The following PARP15 variants were observed in gnomAD, a reference collection of about 807,000 sequenced individuals.
The protein encoded by PARP15 is protein mono-ADP-ribosyltransferase PARP15.
Under a neutral mutation model 62.1 loss-of-function variants are expected in PARP15, and 50 were observed. The observed-to-expected ratio is 0.81, with a 90% CI of 0.64 to 1.02. PARP15 has a LOEUF of 1.02. PARP15 is among the 50% of genes least tolerant of loss of function. The pLI is 0.00. For synonymous variants in PARP15, 309 were observed against 293.1 expected, an observed-to-expected ratio of 1.05 and a Z score of -0.55; for missense variants, 820 against 826.5, an observed-to-expected ratio of 0.99 and a Z score of 0.10.
intron 10 of PARP15, among the ~76,000 whole-genome samples, chr3:122,634,716 C>G (rs1445095672): frequency 6.6e-6 from 1 of 152,086 alleles, no homozygotes; most frequent in Non-Finnish European, 1.5e-5. Context: ...TCCAGGAATT[C>G]CAGGGAATAT....
At chr3:122,635,245 A>G in intron 11 of PARP15, 51 bp downstream of exon 11, 1 of 1,557,018 alleles carries the variant, frequency 6.4e-7, no homozygotes, top group South Asian at 1.2e-5. Context: ...CAATAGTCTC[A>G]GACTTTTCAT....
intron 10 of PARP15, 65 bp from the exon 11 acceptor site, chr3:122,634,955 C>T: frequency 6.8e-7 from 1 of 1,466,956 alleles, no homozygotes. Flanking sequence ...TTTAAATCCA[C>T]AACAAGTACA....
chr3:122,583,219 C>T (rs1476085574), intron 1 of PARP15, among the ~76,000 whole-genome samples: 1 of 139,560 alleles, frequency 7.2e-6, no homozygotes, highest in Non-Finnish European at 1.5e-5. Flanking sequence ...CTCCCAGGTT[C>T]AAGCAATTCT....
At chr3:122,611,767 T>C (rs1935583519) in intron 3 of PARP15, among the ~76,000 whole-genome samples, 2 of 151,866 alleles carry the variant, frequency 1.3e-5, no homozygotes, top group African/African-American at 2.4e-5. Flanking sequence ...CAGGCTGGAG[T>C]GCAATGGCAC....
intron 10 of PARP15, among the ~76,000 whole-genome samples, chr3:122,634,405 T>A (rs1158315237): frequency 6.6e-6 from 1 of 152,178 alleles, no homozygotes; most frequent in Non-Finnish European, 1.5e-5. Flanking sequence ...TGAATGGATG[T>A]TAACTCCATT....
intron 1 of PARP15, 81 bp from the exon 2 acceptor site, chr3:122,605,855 A>G: frequency 1.4e-6 from 2 of 1,434,706 alleles, no homozygotes; most frequent in Non-Finnish European, 1.9e-6. Flanking sequence ...TGCTGAGATT[A>G]CAGACCTGAG....
rs1937083210 is a variant in PARP15, at chr3:122,631,992, T to C, written c.1439-94T>C. On this transcript the variant is annotated intron_variant, in intron 9 of 11. Coordinates refer to ENST00000464300, the MANE Select transcript of PARP15 (RefSeq NM_001113523.3). ...GTAACTTCTCCTTTAAAGACCAGGT[T>C]TGGATGACGAGAGACAAGTGCAGAG... is the stretch of plus-strand genomic sequence containing the variant. 6 of 1,404,500 alleles carry C rather than the reference T, an allele frequency of 4.3e-6. No individual in the cohort carries two copies. The Admixed American group carries it at 5.3e-5, about 12-fold the overall frequency. The allele number at this position is 1,404,500 out of a possible 1,614,324, so 87.0% of individuals were successfully genotyped here. A position where few individuals can be genotyped will look rare whatever the true frequency, so the allele number is the denominator to read the frequency against.
In PARP15 at chr3:122,638,494, A is replaced by G. The variant is rs144394375; in HGVS notation, c.*2394A>G. 4.5e-4 allele frequency: 69 copies of G among 152,310 alleles called. 1 individual carries two copies. In the East Asian group the frequency reaches 0.011, roughly 25 times the overall value. The allele number at this position is 152,310 out of a possible 1,614,324, so 9.4% of individuals were successfully genotyped here. ...CTAACTTTTTAATGATTGCCATTCT[A>G]ACGGGTGTGGGATGGTATCTCATTG... On this transcript the variant is annotated 3_prime_UTR_variant, in exon 12 of 12. Coordinates refer to ENST00000464300, the MANE Select transcript of PARP15 (RefSeq NM_001113523.3).
chr3:122,588,696 C>A (rs1052688925), intron 1 of PARP15, among the ~76,000 whole-genome samples: 2 of 152,036 alleles, frequency 1.3e-5, no homozygotes, highest in Non-Finnish European at 2.9e-5. Flanking sequence ...TTTTCATCAC[C>A]GCAAGAGAAA....
intron 1 of PARP15, among the ~76,000 whole-genome samples, chr3:122,582,224 T>C (rs534003266): frequency 6.6e-6 from 1 of 152,162 alleles, no homozygotes; most frequent in South Asian, 2.1e-4. Flanking sequence ...CAGGCTGGAA[T>C]GCAGTGGTGC....
chr3:122,593,090 G>GTCTATCTATCTA (rs3052715), intron 1 of PARP15, among the ~76,000 whole-genome samples: 36,052 of 147,606 alleles, frequency 0.24, 4,608 homozygotes, highest in South Asian at 0.29. Flanking sequence ...AAAATTATCT[G>GTCTATCTATCTA]TCTATCTATC....
chr3:122,586,223 A>G (rs1933414767), intron 1 of PARP15, among the ~76,000 whole-genome samples: 1 of 38,660 alleles, frequency 2.6e-5, no homozygotes, highest in Admixed American at 3.9e-4. Flanking sequence ...TCATATGTTA[A>G]ACGTATTTTT....
At chr3:122,615,310 T>G in intron 4 of PARP15, 1 of 1,290,266 alleles carries the variant, frequency 7.8e-7, no homozygotes, top group Non-Finnish European at 1.0e-6. Flanking sequence ...ACCTAAGAGA[T>G]GAAGCATACT....
chr3:122,611,053 C>G (rs558921776), intron 3 of PARP15, among the ~76,000 whole-genome samples: 1 of 152,192 alleles, frequency 6.6e-6, no homozygotes, highest in Admixed American at 6.5e-5. Context: ...GTAATTGACC[C>G]TTGGAGGTAG....
At chr3:122,612,417 G>GT (rs1456921689) in intron 3 of PARP15, among the ~76,000 whole-genome samples, 20 of 149,118 alleles carry the variant, frequency 1.3e-4, no homozygotes, top group African/African-American at 4.5e-4. Context: ...TTTAAATACA[G>GT]TTTTTTTGTT....
intron 1 of PARP15, among the ~76,000 whole-genome samples, chr3:122,591,764 C>A (rs202032653): frequency 8.5e-3 from 875 of 103,356 alleles, no homozygotes; most frequent in East Asian, 0.012. Flanking sequence ...GACTCTGTCT[C>A]AAAAAAAAAA....
chr3:122,632,906 G>A (rs1407027549), intron 10 of PARP15, among the ~76,000 whole-genome samples: 4 of 152,188 alleles, frequency 2.6e-5, no homozygotes, highest in Non-Finnish European at 5.9e-5. Context: ...AGAGGTTGCT[G>A]ATGGGGTAGA....
intron 8 of PARP15, 33 bp from the exon 9 acceptor site, chr3:122,626,794 G>T: frequency 6.3e-7 from 1 of 1,589,310 alleles, no homozygotes. Flanking sequence ...CAACATCGGG[G>T]GAAACTTCTT....
chr3:122,625,142 G>A (rs1936622875), intron 8 of PARP15, among the ~76,000 whole-genome samples: 1 of 152,014 alleles, frequency 6.6e-6, no homozygotes, highest in Non-Finnish European at 1.5e-5. Context: ...AAGTGTAGAG[G>A]TGTTATAGGT....
Sources: allele counts gnomAD v4.1 joint callset (sites outside exome capture counted in the v4.1 genomes callset), GRCh38; gene constraint gnomAD v4.1.1; transcripts MANE v1.5; gene names NCBI Gene and HGNC (gene_info 2026-07-23, HGNC 2026-07-21).